Variants in DMD observed in about 807,000 individuals in gnomAD.
DMD encodes dystrophin.
In DMD, 63 loss-of-function variants were observed where a neutral mutation model predicts 330.1. The ratio of observed to expected loss-of-function variants is 0.19; its 90% CI spans 0.16 to 0.24. The LOEUF is 0.24. Ranked by LOEUF, DMD falls within the 10% of genes least tolerant of loss-of-function variation. The pLI, the probability that DMD is intolerant of heterozygous loss-of-function variation, is 1.00. For synonymous variants in DMD, 1,223 were observed against 959.8 expected (o/e 1.27, Z -5.07); for missense variants, 3,344 against 2,684.1 (o/e 1.25, Z -5.43).
chrX:33,284,611 G>T (rs1015545921), intron 1 of DMD, among the ~76,000 whole-genome samples: 8 of 105,821 alleles, frequency 7.6e-5, no homozygotes, highest in African/African-American at 2.7e-4. Context: ...CTTCAAATTT[G>T]GTATAGGTAT....
At chrX:31,943,136 G>A (rs1166585637) in intron 45 of DMD, among the ~76,000 whole-genome samples, 1 of 112,448 alleles carries the variant, frequency 8.9e-6, no homozygotes, top group Non-Finnish European at 1.9e-5. Flanking sequence ...TAGCAGAGTT[G>A]AGTAGTTGCA....
chrX:31,545,070 A>G (rs147155818), intron 55 of DMD, among the ~76,000 whole-genome samples: 61 of 112,215 alleles, frequency 5.4e-4, no homozygotes, highest in African/African-American at 1.9e-3. Flanking sequence ...CTGGGGCTCT[A>G]AGGACTCTCC....
At chrX:32,224,843 C>A (rs1248530753) in intron 43 of DMD, among the ~76,000 whole-genome samples, 1 of 111,786 alleles carries the variant, frequency 8.9e-6, no homozygotes, top group African/African-American at 3.2e-5. Context: ...AGCTTAGGAA[C>A]TCATTCTCAT....
rs1557225997 is a variant in DMD at position 32,229,713 on chromosome X, T to TATAA, written c.6291-12651_6291-12650insTTAT. On this transcript the variant is annotated intron_variant, in intron 43 of 78. Transcript: ENST00000357033. ...ATATATATATATATATATATATATA[T>TATAA]ATATATATATATAAAATCAAAGAGT... Among the ~76,000 whole-genome samples the TATAA allele has an allele frequency of 7.0e-4, 57 of 81,859 alleles. 1 individual carries two copies. Among genetic ancestry groups the TATAA allele is most frequent in the Middle Eastern group, 6.0e-3 (1 of 168 alleles). 71.1% of individuals were successfully genotyped at this position (81,859 alleles called of 115,157 possible).
chrX:32,979,090 C>G (rs2075000124), intron 2 of DMD, among the ~76,000 whole-genome samples: 1 of 111,823 alleles, frequency 8.9e-6, no homozygotes, highest in African/African-American at 3.2e-5. Flanking sequence ...TGTACAAAAC[C>G]ACAATTACCA....
At chrX:31,653,793 A>C (rs2080604619) in intron 54 of DMD, among the ~76,000 whole-genome samples, 1 of 111,422 alleles carries the variant, frequency 9.0e-6, no homozygotes, top group Non-Finnish European at 1.9e-5. Context: ...GAACTTGCAG[A>C]GGCTCACATT....
intron 9 of DMD, among the ~76,000 whole-genome samples, chrX:32,657,573 C>T (rs934463270): frequency 9.0e-6 from 1 of 111,714 alleles, no homozygotes; most frequent in African/African-American, 3.3e-5. Flanking sequence ...AACAAACCGA[C>T]ATTCCTTGGC....
chrX:32,913,577 G>C (rs764061666), intron 2 of DMD, among the ~76,000 whole-genome samples: 2 of 112,004 alleles, frequency 1.8e-5, no homozygotes, highest in South Asian at 7.6e-4. Flanking sequence ...CATAGCACTA[G>C]GTAATTGGGA....
At chrX:31,505,176 C>CT (rs2070807874) in intron 56 of DMD, among the ~76,000 whole-genome samples, 1 of 111,724 alleles carries the variant, frequency 9.0e-6, no homozygotes, top group East Asian at 2.8e-4. Flanking sequence ...CATTTTCATT[C>CT]TTTTTTAATG....
At chrX:32,599,424 C>T (rs185478187) in intron 12 of DMD, among the ~76,000 whole-genome samples, 1 of 111,348 alleles carries the variant, frequency 9.0e-6, no homozygotes, top group Non-Finnish European at 1.9e-5. Flanking sequence ...GAAATGAATT[C>T]TCAAGAGTAT....
intron 68 of DMD, 103 bp downstream of exon 68, chrX:31,182,635 C>T (rs757373895): frequency 2.4e-4 from 187 of 787,676 alleles, no homozygotes; most frequent in Non-Finnish European, 3.2e-4. Context: ...ACTTTGGAGA[C>T]GGTACGAACT....
intron 57 of DMD, among the ~76,000 whole-genome samples, chrX:31,487,850 T>G (rs2068940811): frequency 8.9e-6 from 1 of 112,000 alleles, no homozygotes; most frequent in Non-Finnish European, 1.9e-5. Context: ...ATAAATTTGA[T>G]GTAAAATTGA....
chrX:33,020,271 T>C (rs1452205952), intron 1 of DMD, 71 bp from the exon 2 acceptor site: 2 of 749,196 alleles, frequency 2.7e-6, no homozygotes, highest in Non-Finnish European at 4.0e-6. Flanking sequence ...ACAACCAAAG[T>C]AACTTTCCAT....
chrX:31,845,375 GTCTCTCTCTC>G lies in DMD; in HGVS notation c.7099-8566_7099-8557del, dbSNP rs535397626. 8.7e-3 allele frequency among the ~76,000 whole-genome samples: 521 copies of G among 60,101 alleles called. 6 individuals carry two copies. Among genetic ancestry groups the G allele is most frequent in the Middle Eastern group, 0.021 (2 of 97 alleles). The allele number at this position is 60,101 out of a possible 115,157, so 52.2% of individuals were successfully genotyped here. A position where few individuals can be genotyped will look rare whatever the true frequency, so the allele number is the denominator to read the frequency against. ...CAGGTGTTATAGAGGACAGAATAAA[GTCTCTCTCTC>G]TCTCTCTCTCTCTCTCTCTCTCTCT... is the stretch of plus-strand genomic sequence containing the variant. On this transcript the variant is annotated intron_variant, in intron 48 of 78. Transcript: ENST00000357033.
rs34388625 is a variant in DMD at position 31,592,380 on chromosome X, C to CTATATA, written c.8217+35287_8217+35292dup. 1.3e-3 allele frequency among the ~76,000 whole-genome samples: 116 copies of CTATATA among 92,192 alleles called. 1 individual carries two copies. The highest frequency in any genetic ancestry group is 0.011 in the Middle Eastern group (2 of 178). The allele number at this position is 92,192 out of a possible 115,157, so 80.1% of individuals were successfully genotyped here. A position where few individuals can be genotyped will look rare whatever the true frequency, so the allele number is the denominator to read the frequency against. On this transcript the variant is annotated intron_variant, in intron 55 of 78. Transcript: ENST00000357033. Reference sequence around the variant, plus strand: ...TATACATATATTCTACATATATATTCTATATATATATATATATATATATGG... The same window carrying CTATATA: ...TATACATATATTCTACATATATATTCTATATATATATATATATATATATATATATGG...
At chrX:31,688,780 T>A (rs932980070) in intron 52 of DMD, among the ~76,000 whole-genome samples, 3 of 111,425 alleles carry the variant, frequency 2.7e-5, no homozygotes, top group African/African-American at 9.8e-5. Context: ...CATGATCAAG[T>A]GGGCTTCATC....
At chrX:32,224,290 T>G (rs2097140674) in intron 43 of DMD, among the ~76,000 whole-genome samples, 1 of 111,224 alleles carries the variant, frequency 9.0e-6, no homozygotes, top group Non-Finnish European at 1.9e-5. Flanking sequence ...TACCCTATAT[T>G]AATTAACATA....
At chrX:31,989,662 T>C (rs961380114) in intron 44 of DMD, among the ~76,000 whole-genome samples, 6 of 111,202 alleles carry the variant, frequency 5.4e-5, no homozygotes, top group Admixed American at 9.6e-5. Context: ...GAAAAAAACA[T>C]AAAGAGAGGA....
At chrX:32,712,330 T>G (rs1226419362) in intron 7 of DMD, among the ~76,000 whole-genome samples, 1 of 111,585 alleles carries the variant, frequency 9.0e-6, no homozygotes, top group Non-Finnish European at 1.9e-5. Context: ...ATACTGGAGC[T>G]ACTGTGTACA....
Sources: gnomAD v4.1 joint callset for allele counts (sites outside exome capture counted in the v4.1 genomes callset) on GRCh38, gnomAD v4.1.1 for gene constraint, MANE v1.5 for transcripts, NCBI Gene and HGNC (gene_info 2026-07-23, HGNC 2026-07-21) for gene names.